Variants in MAF observed in about 807,000 individuals in gnomAD.
MAF encodes the protein transcription factor Maf.
Under a neutral mutation model 22.0 loss-of-function variants are expected in MAF, and 10 were observed. That is an observed-to-expected ratio of 0.45 (90% CI 0.28 to 0.77). MAF has a LOEUF of 0.77. Among genes scored for constraint, MAF ranks in the 30% least tolerant of loss-of-function variants. The probability of loss-of-function intolerance (pLI) is 0.12; values close to 1 mark genes in which losing one functional copy is unlikely to be tolerated. For missense variants in MAF, 544 were observed against 548.4 expected, an observed-to-expected ratio of 0.99 and a Z score of 0.08; for synonymous variants, 337 against 255.8, an observed-to-expected ratio of 1.32 and a Z score of -3.03.
At chr16:79,236,184 G>A in the MAF span, among the ~76,000 whole-genome samples, 22 of 152,006 alleles carry the variant, frequency 1.4e-4, no homozygotes, top group Non-Finnish European at 2.2e-4. Context: ...GTCTCTCCTC[G>A]CCATAGCTTG....
the MAF span, among the ~76,000 whole-genome samples, chr16:79,357,385 G>C: frequency 1.3e-5 from 2 of 152,196 alleles, no homozygotes; most frequent in African/African-American, 2.4e-5. Flanking sequence ...GGCAGCCAGA[G>C]GTTGCAGTGA....
the MAF span, among the ~76,000 whole-genome samples, chr16:79,327,893 T>C: frequency 6.6e-6 from 1 of 152,210 alleles, no homozygotes; most frequent in African/African-American, 2.4e-5. Context: ...GTTCTTTCCA[T>C]CACCATTTGA....
At chr16:79,433,212 C>T in the MAF span, among the ~76,000 whole-genome samples, 1 of 150,862 alleles carries the variant, frequency 6.6e-6, no homozygotes, top group African/African-American at 2.4e-5. Flanking sequence ...CTCCTTTTCT[C>T]TCGCAAAGGA....
At chr16:79,231,695 T>C in the MAF span, among the ~76,000 whole-genome samples, 1 of 152,080 alleles carries the variant, frequency 6.6e-6, no homozygotes, top group African/African-American at 2.4e-5. Context: ...CTCAACCTTT[T>C]TGGCACCAGG....
chr16:79,214,321 A>C, the MAF span, among the ~76,000 whole-genome samples: 1 of 152,316 alleles, frequency 6.6e-6, no homozygotes, highest in East Asian at 1.9e-4. Context: ...TTACTGACTT[A>C]ATAAATAACC....
At position 79,594,103 on chromosome 16, in the gene MAF, T is replaced by C. The variant is rs1913352425; in HGVS notation, c.*357A>G. On this transcript the variant is annotated 3_prime_UTR_variant, in exon 2 of 2. Transcript: ENST00000326043. ...TATTTAGAATGTGCATGCCTATATATGATTTTAAAATGCTAATTGTTGCAT... is the reference window on the plus strand; with the variant it reads ...TATTTAGAATGTGCATGCCTATATACGATTTTAAAATGCTAATTGTTGCAT... 3.3e-6 allele frequency: 1 copy of C among 306,626 alleles called. No individual in the cohort carries two copies. The highest frequency in any genetic ancestry group is 6.2e-6 in the Non-Finnish European group (1 of 161,338). The allele number at this position is 306,626 out of a possible 1,614,324, so 19.0% of individuals were successfully genotyped here.
the MAF span, among the ~76,000 whole-genome samples, chr16:79,346,297 A>G: frequency 6.6e-6 from 1 of 151,530 alleles, no homozygotes; most frequent in East Asian, 1.9e-4. Flanking sequence ...TGTCCTTGCG[A>G]TAGTTTGCTG....
the MAF span, among the ~76,000 whole-genome samples, chr16:79,302,332 T>C: frequency 6.6e-6 from 1 of 152,240 alleles, no homozygotes; most frequent in Non-Finnish European, 1.5e-5. Context: ...ATGAATGCTC[T>C]GTCCCCCACT....
chr16:79,368,399 G>A, the MAF span, among the ~76,000 whole-genome samples: 1 of 152,078 alleles, frequency 6.6e-6, no homozygotes, highest in African/African-American at 2.4e-5. Flanking sequence ...CTTTTCTAGA[G>A]CTCATGTTCC....
At chr16:79,423,340 G>A in the MAF span, among the ~76,000 whole-genome samples, 1 of 152,144 alleles carries the variant, frequency 6.6e-6, no homozygotes, top group Non-Finnish European at 1.5e-5. Context: ...CTGGAGAGCA[G>A]CAAGGAGGCC....
the MAF span, among the ~76,000 whole-genome samples, chr16:79,283,521 A>G: frequency 6.6e-6 from 1 of 152,198 alleles, no homozygotes; most frequent in African/African-American, 2.4e-5. Flanking sequence ...GGTCACCTAT[A>G]TGCTTTTCTG....
At chr16:79,487,108 T>C in the MAF span, among the ~76,000 whole-genome samples, 4 of 152,054 alleles carry the variant, frequency 2.6e-5, no homozygotes, top group Non-Finnish European at 5.9e-5. Context: ...TTTTATATAC[T>C]TTCACAAAGA....
chr16:79,335,160 G>A, the MAF span, among the ~76,000 whole-genome samples: 1 of 149,300 alleles, frequency 6.7e-6, no homozygotes, highest in African/African-American at 2.5e-5. Flanking sequence ...ACTCCAGCCT[G>A]GCGACAGAGC....
chr16:79,564,387 T>C, the MAF span, among the ~76,000 whole-genome samples: 56 of 152,362 alleles, frequency 3.7e-4, no homozygotes, highest in African/African-American at 1.3e-3. Flanking sequence ...AATCAGTTTA[T>C]AGCCGAATAA....
downstream of MAF, among the ~76,000 whole-genome samples, chr16:79,592,944 A>G (rs1913269145): frequency 6.6e-6 from 1 of 152,234 alleles, no homozygotes; most frequent in Non-Finnish European, 1.5e-5. Context: ...GTGAATGTTT[A>G]TATTAGCAGC....
the MAF span, among the ~76,000 whole-genome samples, chr16:79,301,270 T>C: frequency 6.6e-6 from 1 of 152,154 alleles, no homozygotes. Context: ...GAATGCCCGC[T>C]AGCCTGCTGA....
At chr16:79,511,041 G>C in the MAF span, among the ~76,000 whole-genome samples, 7 of 152,300 alleles carry the variant, frequency 4.6e-5, no homozygotes, top group South Asian at 4.1e-4. Flanking sequence ...CCACTGCAGC[G>C]GCAGCTGGGA....
chr16:79,362,421 T>C, the MAF span, among the ~76,000 whole-genome samples: 7 of 152,132 alleles, frequency 4.6e-5, no homozygotes, highest in Non-Finnish European at 8.8e-5. Context: ...TCAATGAATT[T>C]TGTTGTTGCT....
the MAF span, among the ~76,000 whole-genome samples, chr16:79,350,157 C>A: frequency 2.0e-5 from 3 of 152,170 alleles, no homozygotes; most frequent in African/African-American, 7.2e-5. Context: ...TTCATATGTG[C>A]CCTCTCTGTC....
Sources: gnomAD v4.1 joint callset for allele counts (sites outside exome capture counted in the v4.1 genomes callset) on GRCh38, gnomAD v4.1.1 for gene constraint, MANE v1.5 for transcripts, NCBI Gene and HGNC (gene_info 2026-07-23, HGNC 2026-07-21) for gene names.